Variants in UBA6 observed in about 807,000 individuals in gnomAD.
UBA6 encodes the protein ubiquitin-like modifier-activating enzyme 6.
Under a neutral mutation model 148.3 loss-of-function variants are expected in UBA6, and 87 were observed. The observed-to-expected ratio is 0.59, with a 90% confidence interval of 0.49 to 0.70. The LOEUF (loss-of-function observed/expected upper bound fraction) is 0.70. Among genes scored for constraint, UBA6 ranks in the 30% least tolerant of loss-of-function variants. The probability of loss-of-function intolerance (pLI) is 0.00; values close to 1 mark genes in which losing one functional copy is unlikely to be tolerated. For synonymous variants in UBA6, 376 were observed against 401.0 expected (o/e 0.94, Z 0.75); for missense variants, 1,186 against 1,241.2 (o/e 0.96, Z 0.67).
chr4:67,667,393 T>C (rs908048173), intron 9 of UBA6, among the ~76,000 whole-genome samples: 1 of 152,142 alleles, frequency 6.6e-6, no homozygotes, highest in Admixed American at 6.5e-5. Flanking sequence ...TTAAAATAAT[T>C]AGATGTAGCT....
intron 17 of UBA6, among the ~76,000 whole-genome samples, chr4:67,641,612 T>C (rs1242727132): frequency 6.6e-6 from 1 of 152,194 alleles, no homozygotes; most frequent in African/African-American, 2.4e-5. Context: ...AATGCTTATA[T>C]GTATCAATTT....
intron 13 of UBA6, among the ~76,000 whole-genome samples, chr4:67,655,619 A>G (rs1434943652): frequency 2.0e-5 from 3 of 152,196 alleles, no homozygotes; most frequent in Non-Finnish European, 4.4e-5. Context: ...TTAACATCAC[A>G]ATTAAAAGAA....
intron 27 of UBA6, among the ~76,000 whole-genome samples, chr4:67,627,685 T>C (rs975880818): frequency 2.0e-5 from 3 of 151,478 alleles, no homozygotes; most frequent in African/African-American, 7.3e-5. Flanking sequence ...TCAACTGCCC[T>C]ACAAGTCTTT....
intron 32 of UBA6, among the ~76,000 whole-genome samples, chr4:67,619,405 G>A (rs927415391): frequency 7.2e-5 from 11 of 152,192 alleles, no homozygotes; most frequent in African/African-American, 2.7e-4. Flanking sequence ...GCTCAGCGTG[G>A]TGGCTCACGC....
Position 67,681,572 on chromosome 4 carries a change from T to G in UBA6, c.249A>C (p.Ala83=), listed in dbSNP as rs769817185. 1.3e-6 allele frequency: 2 copies of G among 1,579,108 alleles called. No individual in the cohort carries two copies. The highest frequency in any genetic ancestry group is 4.0e-5 in the Admixed American group (2 of 50,422). Residue 83 remains alanine, a synonymous_variant, in exon 4 of 33, where the codon GCA becomes GCC. Coordinates refer to ENST00000322244, the MANE Select transcript of UBA6 (RefSeq NM_018227.6). ...GAGGACATTTACTTACCTTAATCCC[T>G]GCAAGAACAAGATTCTTTGCTAGAA... ...GLEIAKNLVL[A]GIKAVTIHDT...
At chr4:67,656,951 A>G (rs546928087) in intron 13 of UBA6, among the ~76,000 whole-genome samples, 1 of 152,326 alleles carries the variant, frequency 6.6e-6, no homozygotes, top group African/African-American at 2.4e-5. Context: ...AGAGAATAAA[A>G]TACCTAGGAA....
intron 28 of UBA6, among the ~76,000 whole-genome samples, chr4:67,625,960 T>G (rs1353937029): frequency 2.6e-5 from 4 of 151,976 alleles, no homozygotes; most frequent in African/African-American, 9.7e-5. Flanking sequence ...TGTTTATAGT[T>G]CTTTATCCTA....
rs754862704 is a variant in UBA6 at position 67,668,660 on chromosome 4, A to T, written c.684T>A (p.Ile228=). The part of the protein sequence containing the change: ...ISNITQANPG[I]VTCLENHPHK... The stretch of plus-strand genomic sequence containing the variant: ...GAGGATGATTTTCAAGGCAAGTAAC[A>T]ATGCCAGGATTTGCCTAAAAATAAG... The change falls in exon 9 of 33, where the codon ATT becomes ATA. Residue 228 remains isoleucine (I), a synonymous_variant. Transcript: ENST00000322244. The T allele has an allele frequency of 1.9e-6, 3 of 1,612,802 alleles. No homozygotes were observed. The highest frequency in any genetic ancestry group is 2.5e-6 in the Non-Finnish European group (3 of 1,179,158).
At position 67,631,786 on chromosome 4, in the gene UBA6, C is replaced by A. The variant is rs753592462; in HGVS notation, c.2195-15G>T. ...CCAAAATAAACCTGGCAAAAAGATA[C>A]AAATATCATTTTCAATGTATGTAGC... On this transcript the variant is annotated splice_polypyrimidine_tract_variant and intron_variant, in intron 24 of 32. Transcript: ENST00000322244. 1 of 1,610,718 alleles carries A rather than the reference C, an allele frequency of 6.2e-7. No homozygotes were observed. Among genetic ancestry groups the A allele is most frequent in the East Asian group, 2.2e-5 (1 of 44,758 alleles).
intron 32 of UBA6, among the ~76,000 whole-genome samples, chr4:67,621,863 A>C (rs563327319): frequency 6.6e-6 from 1 of 152,302 alleles, no homozygotes; most frequent in Admixed American, 6.5e-5. Context: ...GTCATAGGAC[A>C]GTAATAAGTG....
chr4:67,649,278 G>T, intron 13 of UBA6, 67 bp from the exon 14 acceptor site: 1 of 1,388,544 alleles, frequency 7.2e-7, no homozygotes, highest in Non-Finnish European at 9.7e-7. Flanking sequence ...AAATTCCAAT[G>T]ACTAAATGTG....
chr4:67,655,170 T>A (rs200094502), intron 13 of UBA6, among the ~76,000 whole-genome samples: 2 of 152,314 alleles, frequency 1.3e-5, no homozygotes, highest in East Asian at 3.9e-4. Flanking sequence ...GGACTTGAAC[T>A]CAGCTCTGCA....
intron 19 of UBA6, among the ~76,000 whole-genome samples, chr4:67,635,942 C>T (rs546173865): frequency 1.3e-5 from 2 of 152,206 alleles, no homozygotes; most frequent in South Asian, 4.1e-4. Context: ...ACTTACAATA[C>T]CTATATTCTA....
Position 67,622,847 on chromosome 4 carries a change from T to C in UBA6, c.3007A>G (p.Lys1003Glu). 1.2e-6 allele frequency: 2 copies of C among 1,611,838 alleles called. No homozygotes were observed. Among genetic ancestry groups the C allele is most frequent in the Non-Finnish European group, 1.7e-6 (2 of 1,179,080 alleles). Reference sequence around the variant, plus strand: ...AATACTTACGTTAACTTCAATCTTTTTGCATGACCAGGCATTACAGGAACA... The same window carrying C: ...AATACTTACGTTAACTTCAATCTTTCTGCATGACCAGGCATTACAGGAACA... The part of the protein sequence containing the change: ...LYVPVMPGHA[K>E]RLKLTMHKLV... The change falls in exon 32 of 33, where the codon AAA becomes GAA. Residue 1003 changes from lysine (K) to glutamate (E), a missense_variant. Lys to Glu is a moderately conservative substitution (Grantham distance 56, BLOSUM62 1). Transcript: ENST00000322244.
intron 17 of UBA6, among the ~76,000 whole-genome samples, chr4:67,643,306 G>A (rs1263315303): frequency 1.3e-5 from 2 of 151,862 alleles, no homozygotes; most frequent in Admixed American, 1.3e-4. Context: ...GATTCTTGTG[G>A]TGGTTCCCTT....
At chr4:67,691,794 TGTA>T (rs1294528393) in intron 2 of UBA6, among the ~76,000 whole-genome samples, 1 of 149,912 alleles carries the variant, frequency 6.7e-6, no homozygotes, top group Non-Finnish European at 1.5e-5. Context: ...GAAGGACCAT[TGTA>T]AAAAAAAAAA....
chr4:67,648,671 C>T (rs1371300092), intron 14 of UBA6, among the ~76,000 whole-genome samples: 1 of 152,000 alleles, frequency 6.6e-6, no homozygotes, highest in Non-Finnish European at 1.5e-5. Flanking sequence ...CCCATGTTTT[C>T]CACTTTTGTA....
At chr4:67,667,421 A>G (rs760756015) in intron 9 of UBA6, among the ~76,000 whole-genome samples, 22 of 152,184 alleles carry the variant, frequency 1.4e-4, no homozygotes, top group Non-Finnish European at 3.1e-4. Flanking sequence ...AAAATCAAAT[A>G]GTTTTGTTAC....
chr4:67,665,012 CA>C (rs1475555532), intron 10 of UBA6, among the ~76,000 whole-genome samples, 176 bp downstream of exon 10: 1 of 151,984 alleles, frequency 6.6e-6, no homozygotes, highest in African/African-American at 2.4e-5. Flanking sequence ...CCATTTTATT[CA>C]TTTATTTCAT....
Sources: allele counts gnomAD v4.1 joint callset (sites outside exome capture counted in the v4.1 genomes callset), GRCh38; gene constraint gnomAD v4.1.1; transcripts MANE v1.5; gene names NCBI Gene and HGNC (gene_info 2026-07-23, HGNC 2026-07-21).